POU6F2: variants seen among roughly 807,000 people sequenced by gnomAD.
POU6F2 encodes POU class 6 homeobox 2.
POU6F2 carries 31 observed loss-of-function variants against 71.3 expected under a neutral mutation model. The observed-to-expected ratio is 0.43, with a 90% CI of 0.33 to 0.59. POU6F2 has a LOEUF of 0.59. Ranked by LOEUF, POU6F2 falls within the 20% of genes least tolerant of loss-of-function variation. The pLI is 0.04. For missense variants in POU6F2, 783 were observed against 856.8 expected (o/e 0.91, Z 1.07); for synonymous variants, 347 against 355.7 (o/e 0.98, Z 0.27).
rs533055468 is a variant in POU6F2 at position 39,188,601 on chromosome 7, C to T, written c.278-15634C>T. On this transcript the variant is annotated intron_variant, in intron 2 of 9. Coordinates refer to ENST00000518318, the MANE Select transcript of POU6F2 (RefSeq NM_001370959.1). ...GTGCTGGGAGTACAGGCATGAGCCA[C>T]CATGCTGGGCCAGAATCTGATTTTT... 3.3e-5 allele frequency among the ~76,000 whole-genome samples: 5 copies of T among 152,320 alleles called. No individual in the cohort carries two copies. The South Asian group carries it at 1.0e-3, about 32-fold the overall frequency.
intron 1 of POU6F2, among the ~76,000 whole-genome samples, chr7:38,986,695 T>G (rs1368065931): frequency 6.6e-6 from 1 of 152,170 alleles, no homozygotes; most frequent in Non-Finnish European, 1.5e-5. Flanking sequence ...TTTCTGCATA[T>G]GGCAAACCAT....
intron 4 of POU6F2, among the ~76,000 whole-genome samples, chr7:39,262,937 T>G (rs746642685): frequency 2.0e-5 from 3 of 152,224 alleles, no homozygotes; most frequent in Non-Finnish European, 4.4e-5. Flanking sequence ...TCCCATCACT[T>G]TTATTTGACT....
chr7:39,105,013 TA>T (rs1262696697), intron 2 of POU6F2, among the ~76,000 whole-genome samples: 1 of 152,190 alleles, frequency 6.6e-6, no homozygotes, highest in Admixed American at 6.5e-5. Flanking sequence ...TCACAGACAT[TA>T]AGAGGTTTAG....
At chr7:39,304,919 A>G (rs1785021948) in intron 4 of POU6F2, among the ~76,000 whole-genome samples, 3 of 152,232 alleles carry the variant, frequency 2.0e-5, no homozygotes, top group Admixed American at 2.0e-4. Context: ...CATACAGAGC[A>G]TGATTTAGTT....
chr7:39,171,222 G>A (rs1324151694), intron 2 of POU6F2, among the ~76,000 whole-genome samples: 2 of 151,684 alleles, frequency 1.3e-5, no homozygotes, highest in African/African-American at 4.8e-5. Flanking sequence ...CCTGGTGTAT[G>A]ATGTTCCCGT....
At chr7:39,230,396 A>T (rs1442901465) in intron 4 of POU6F2, among the ~76,000 whole-genome samples, 1 of 152,082 alleles carries the variant, frequency 6.6e-6, no homozygotes, top group Non-Finnish European at 1.5e-5. Context: ...GAGGCAAAGG[A>T]CCACATGAGC....
intron 1 of POU6F2, among the ~76,000 whole-genome samples, chr7:39,081,981 C>T (rs10464368): frequency 0.31 from 47,109 of 152,118 alleles, 8,015 homozygotes; most frequent in East Asian, 0.77. Flanking sequence ...ACTGAGCCTC[C>T]GTCTCTTACC....
chr7:39,372,799 A>G (rs528919828), intron 5 of POU6F2, among the ~76,000 whole-genome samples: 1 of 152,318 alleles, frequency 6.6e-6, no homozygotes, highest in East Asian at 1.9e-4. Flanking sequence ...ATGTTCATCG[A>G]TAAAAATCAT....
At chr7:39,397,261 C>A (rs1395607221) in intron 5 of POU6F2, among the ~76,000 whole-genome samples, 1 of 151,564 alleles carries the variant, frequency 6.6e-6, no homozygotes, top group South Asian at 2.1e-4. Context: ...GACTGAGTCA[C>A]CAGATGTGTG....
At chr7:39,082,673 G>A (rs1791147150) in intron 1 of POU6F2, among the ~76,000 whole-genome samples, 1 of 151,972 alleles carries the variant, frequency 6.6e-6, no homozygotes. Context: ...TCACTTATAA[G>A]TCTGTACTCA....
At chr7:39,346,379 A>G (rs1049665960) in intron 5 of POU6F2, among the ~76,000 whole-genome samples, 8 of 152,208 alleles carry the variant, frequency 5.3e-5, no homozygotes, top group African/African-American at 1.9e-4. Context: ...TCAAGTAGCG[A>G]TAGATGATGA....
rs1462120507 is a variant in POU6F2, at chr7:39,460,362, A to G, written c.1490-185A>G. On this transcript the variant is annotated intron_variant, in intron 8 of 9. Coordinates refer to ENST00000518318, the MANE Select transcript of POU6F2 (RefSeq NM_001370959.1). This position sits in a 1 kb window ranked among gnomAD's most constrained non-coding sequence, Gnocchi z 4.4. ...AAACATCTCGAAGGATGATTTGTGG[A>G]GGTGTAATGAGTTGCGGATGGAGTG... 6.6e-6 allele frequency among the ~76,000 whole-genome samples: 1 copy of G among 152,132 alleles called. No homozygotes were observed. The highest frequency in any genetic ancestry group is 1.5e-5 in the Non-Finnish European group (1 of 68,030).
At chr7:39,273,846 A>C (rs1784384744) in intron 4 of POU6F2, among the ~76,000 whole-genome samples, 2 of 152,208 alleles carry the variant, frequency 1.3e-5, no homozygotes, top group Non-Finnish European at 1.5e-5. Context: ...GTTGGCAACA[A>C]AATTATAGTG....
intron 8 of POU6F2, among the ~76,000 whole-genome samples, chr7:39,456,515 A>G (rs1265673155): frequency 6.6e-6 from 1 of 152,262 alleles, no homozygotes; most frequent in African/African-American, 2.4e-5. Flanking sequence ...AATTCAAAAC[A>G]TCTTACAGAC....
chr7:39,426,374 C>T (rs1242918808), intron 6 of POU6F2, among the ~76,000 whole-genome samples: 1 of 152,182 alleles, frequency 6.6e-6, no homozygotes, highest in Non-Finnish European at 1.5e-5. Context: ...TCCAGATCTA[C>T]TCTTCAAAGC....
intron 7 of POU6F2, 115 bp downstream of exon 7, chr7:39,433,398 C>A: frequency 8.9e-7 from 1 of 1,125,530 alleles, no homozygotes; most frequent in Non-Finnish European, 1.3e-6. Context: ...GTTGATCTCA[C>A]TCATCTGAAC....
chr7:39,069,233 T>A (rs1469903402), intron 1 of POU6F2, among the ~76,000 whole-genome samples: 2 of 152,038 alleles, frequency 1.3e-5, no homozygotes, highest in Non-Finnish European at 2.9e-5. Flanking sequence ...TAAACTGAGG[T>A]CAGTACAAAC....
intron 1 of POU6F2, among the ~76,000 whole-genome samples, chr7:38,982,460 A>G (rs2116591815): frequency 1.3e-5 from 2 of 152,246 alleles, no homozygotes; most frequent in South Asian, 4.1e-4. Context: ...AATTTGTACT[A>G]TGTATTGTTT....
chr7:39,140,943 A>G (rs4720310), intron 2 of POU6F2, among the ~76,000 whole-genome samples: 129,623 of 152,168 alleles, frequency 0.85, 55,757 homozygotes, highest in East Asian at 1. Context: ...CACCACTGCA[A>G]CACAGGGGCC....
Sources: allele counts gnomAD v4.1 joint callset (sites outside exome capture counted in the v4.1 genomes callset), GRCh38; gene constraint gnomAD v4.1.1; non-coding constraint Gnocchi (gnomAD v3.1); transcripts MANE v1.5; gene names NCBI Gene and HGNC (gene_info 2026-07-23, HGNC 2026-07-21).